Variants in UVRAG observed in about 807,000 individuals in gnomAD.
The protein encoded by UVRAG is UV radiation resistance-associated gene protein.
In UVRAG, 19 loss-of-function variants were observed where a neutral mutation model predicts 78.0. The ratio of observed to expected loss-of-function variants is 0.24; its 90% CI spans 0.17 to 0.36. The LOEUF is 0.36. Among genes scored for constraint, UVRAG ranks in the 10% least tolerant of loss-of-function variants. UVRAG has a pLI of 1.00. For missense variants in UVRAG, 740 were observed against 853.8 expected (o/e 0.87, Z 1.66); for synonymous variants, 323 against 324.6 (o/e 1.00, Z 0.05).
At chr11:76,112,874 G>C (rs1952103414) in intron 13 of UVRAG, among the ~76,000 whole-genome samples, 1 of 151,836 alleles carries the variant, frequency 6.6e-6, no homozygotes. Context: ...CCATAGGCAA[G>C]CACCACCATG....
At chr11:76,070,490 TTGAC>T (rs1565147733) in intron 13 of UVRAG, among the ~76,000 whole-genome samples, 2 of 152,078 alleles carry the variant, frequency 1.3e-5, no homozygotes, top group South Asian at 4.1e-4. Flanking sequence ...GTTAATTTGT[TTGAC>T]TGCTATAATC....
chr11:75,937,137 A>G (rs943127807), intron 6 of UVRAG, among the ~76,000 whole-genome samples: 3 of 152,228 alleles, frequency 2.0e-5, no homozygotes, highest in African/African-American at 7.2e-5. Context: ...TGGAAGGCCA[A>G]GGTGGGCGGA....
At chr11:75,950,752 T>C (rs747538811) in intron 6 of UVRAG, among the ~76,000 whole-genome samples, 11 of 152,166 alleles carry the variant, frequency 7.2e-5, no homozygotes, top group Admixed American at 5.2e-4. Flanking sequence ...ATAATAGGCT[T>C]GTAGTAGTGT....
intron 12 of UVRAG, among the ~76,000 whole-genome samples, chr11:76,057,396 A>G (rs1951004257): frequency 1.3e-5 from 2 of 152,226 alleles, no homozygotes; most frequent in South Asian, 4.1e-4. Context: ...AATGGCCCTT[A>G]GTGTAAAGTT....
At chr11:75,934,850 T>A (rs953940821) in intron 6 of UVRAG, 1 of 152,200 alleles carries the variant, frequency 6.6e-6, no homozygotes, top group Non-Finnish European at 1.5e-5. Flanking sequence ...ACAGATTAAA[T>A]GTTATAATTT....
At chr11:75,828,461 A>G (rs887100912) in intron 1 of UVRAG, among the ~76,000 whole-genome samples, 1 of 148,036 alleles carries the variant, frequency 6.8e-6, no homozygotes, top group African/African-American at 2.6e-5. Context: ...AAAAAAAAAA[A>G]AGACACCAGT....
At chr11:75,889,037 G>A (rs968815927) in intron 5 of UVRAG, 134 bp downstream of exon 5, 3 of 609,948 alleles carry the variant, frequency 4.9e-6, no homozygotes, top group Non-Finnish European at 7.8e-6. Flanking sequence ...TGTGGCTTAA[G>A]GTGGATGCTT....
intron 1 of UVRAG, among the ~76,000 whole-genome samples, chr11:75,816,022 C>T (rs961453380): frequency 6.6e-6 from 1 of 152,252 alleles, no homozygotes; most frequent in Non-Finnish European, 1.5e-5. Context: ...CTACCATTTG[C>T]TTTAATCTCC....
chr11:75,857,648 C>T (rs1448495897), intron 2 of UVRAG, among the ~76,000 whole-genome samples: 1 of 152,084 alleles, frequency 6.6e-6, no homozygotes, highest in Admixed American at 6.5e-5. Flanking sequence ...TGCCACCACG[C>T]CCAGCTAATT....
chr11:75,833,614 G>A (rs951185972), intron 1 of UVRAG, among the ~76,000 whole-genome samples: 1 of 152,154 alleles, frequency 6.6e-6, no homozygotes, highest in African/African-American at 2.4e-5. Context: ...GTGTGGAGCT[G>A]GAAATCAGGG....
chr11:75,834,845 C>A (rs1348180809), intron 1 of UVRAG, among the ~76,000 whole-genome samples: 2 of 151,944 alleles, frequency 1.3e-5, no homozygotes, highest in African/African-American at 4.8e-5. Flanking sequence ...AACAAAAAAA[C>A]CAAAAATACT....
intron 7 of UVRAG, among the ~76,000 whole-genome samples, chr11:75,965,497 A>G (rs977095437): frequency 2.0e-5 from 3 of 152,126 alleles, no homozygotes; most frequent in Non-Finnish European, 2.9e-5. Flanking sequence ...AAATATTTTT[A>G]GTAGAGACGG....
At chr11:75,855,227 T>G (rs1946262593) in intron 2 of UVRAG, among the ~76,000 whole-genome samples, 1 of 152,218 alleles carries the variant, frequency 6.6e-6, no homozygotes, top group South Asian at 2.1e-4. Context: ...TCATTGACTG[T>G]TTTTTGAAGT....
At chr11:75,881,546 AG>A (rs1297653988) in intron 4 of UVRAG, among the ~76,000 whole-genome samples, 1 of 152,202 alleles carries the variant, frequency 6.6e-6, no homozygotes, top group African/African-American at 2.4e-5. Context: ...GCCCCCAAGC[AG>A]TTTCCAGCTT....
intron 14 of UVRAG, among the ~76,000 whole-genome samples, chr11:76,119,140 C>T (rs998647003): frequency 1.3e-5 from 2 of 152,162 alleles, no homozygotes; most frequent in Non-Finnish European, 2.9e-5. Context: ...TAAACATAGA[C>T]CCAAACTCAA....
At chr11:75,823,774 T>G (rs1428935943) in intron 1 of UVRAG, among the ~76,000 whole-genome samples, 1 of 152,198 alleles carries the variant, frequency 6.6e-6, no homozygotes, top group Non-Finnish European at 1.5e-5. Context: ...GGCTTTATAT[T>G]TTATTTCCTA....
chr11:75,937,109 C>G (rs1291254145), intron 6 of UVRAG, among the ~76,000 whole-genome samples: 3 of 152,188 alleles, frequency 2.0e-5, no homozygotes, highest in African/African-American at 7.2e-5. Context: ...GTGGCTCACG[C>G]CTGTAATCCC....
chr11:75,871,117 G>T (rs1055887593), intron 3 of UVRAG, among the ~76,000 whole-genome samples: 4 of 151,934 alleles, frequency 2.6e-5, no homozygotes, highest in African/African-American at 9.7e-5. Flanking sequence ...CAGGTGATTC[G>T]CCCACCTCGG....
At chr11:76,105,037 A>G (rs1289610767) in intron 13 of UVRAG, among the ~76,000 whole-genome samples, 1 of 152,242 alleles carries the variant, frequency 6.6e-6, no homozygotes, top group East Asian at 1.9e-4. Flanking sequence ...CAGAAATGGT[A>G]TCAATTAGAG....
Sources: gnomAD v4.1 joint callset for allele counts (sites outside exome capture counted in the v4.1 genomes callset) on GRCh38, gnomAD v4.1.1 for gene constraint, MANE v1.5 for transcripts, NCBI Gene and HGNC (gene_info 2026-07-23, HGNC 2026-07-21) for gene names.